Variants in DPH6 observed in about 807,000 individuals in gnomAD.
DPH6 encodes diphthamine biosynthesis 6.
A neutral mutation model predicts 38.2 loss-of-function variants in DPH6; 33 were observed. The ratio of observed to expected loss-of-function variants is 0.86; its 90% CI spans 0.65 to 1.15. DPH6 has a LOEUF of 1.15. Ranked by LOEUF, DPH6 falls within the 50% of genes most tolerant of loss-of-function variation. DPH6 has a pLI of 0.00. For synonymous variants in DPH6, 108 were observed against 103.0 expected (o/e 1.05, Z -0.30); for missense variants, 325 against 320.0 (o/e 1.02, Z -0.12).
intron 3 of DPH6, among the ~76,000 whole-genome samples, chr15:35,351,720 CTTTT>C (rs758678929): frequency 3.7e-5 from 5 of 136,414 alleles, no homozygotes; most frequent in South Asian, 4.7e-4. Flanking sequence ...TGTCAGACTT[CTTTT>C]TTTTTTTTTT....
intron 5 of DPH6, among the ~76,000 whole-genome samples, chr15:35,446,591 A>G (rs1271806359): frequency 6.6e-6 from 1 of 152,162 alleles, no homozygotes. Flanking sequence ...ATAGTATGTA[A>G]TACATACAAC....
chr15:35,411,515 C>G (rs181979588), intron 5 of DPH6, among the ~76,000 whole-genome samples: 45 of 151,542 alleles, frequency 3.0e-4, no homozygotes, highest in African/African-American at 9.4e-4. Context: ...ATAGCGTGTG[C>G]GTAACCTTTA....
intron 3 of DPH6, chr15:35,282,571 C>A: frequency 6.2e-6 from 2 of 320,010 alleles, no homozygotes; most frequent in South Asian, 2.6e-5. Flanking sequence ...CTTCAGATCT[C>A]AATGAGGCTG....
At chr15:35,273,546 C>A (rs1410731211) in intron 3 of DPH6, among the ~76,000 whole-genome samples, 1 of 152,178 alleles carries the variant, frequency 6.6e-6, no homozygotes, top group Non-Finnish European at 1.5e-5. Flanking sequence ...AGCTGATAAG[C>A]AACTTCAGCA....
chr15:35,192,156 G>GTT, the DPH6 span, among the ~76,000 whole-genome samples: 4 of 152,148 alleles, frequency 2.6e-5, no homozygotes, highest in African/African-American at 9.7e-5. Context: ...TTAAGACAGG[G>GTT]TTAAACATGA....
At chr15:35,357,863 G>A (rs1311716576) in intron 3 of DPH6, among the ~76,000 whole-genome samples, 3 of 152,164 alleles carry the variant, frequency 2.0e-5, no homozygotes, top group Admixed American at 1.3e-4. Flanking sequence ...AATGTGCATA[G>A]GTGAAGATCT....
chr15:35,538,178 A>C, intron 3 of DPH6, 96 bp downstream of exon 3: 2 of 1,158,328 alleles, frequency 1.7e-6, no homozygotes, highest in African/African-American at 3.1e-5. Context: ...TTGGGCTACT[A>C]ACAATTGCAA....
At chr15:35,414,194 C>A (rs2053407588) in intron 5 of DPH6, among the ~76,000 whole-genome samples, 1 of 151,574 alleles carries the variant, frequency 6.6e-6, no homozygotes, top group Admixed American at 6.6e-5. Flanking sequence ...GAAATTTGTT[C>A]TTTATTCTTT....
chr15:35,146,018 A>C, the DPH6 span, among the ~76,000 whole-genome samples: 1 of 152,092 alleles, frequency 6.6e-6, no homozygotes, highest in Non-Finnish European at 1.5e-5. Context: ...CCAAAAGGCA[A>C]CCACCAAAAT....
chr15:35,165,246 A>G, the DPH6 span, among the ~76,000 whole-genome samples: 1 of 151,894 alleles, frequency 6.6e-6, no homozygotes, highest in Non-Finnish European at 1.5e-5. Context: ...ATTTTGCCTT[A>G]TTAATCTATG....
At chr15:35,298,129 G>A (rs1045537092) in intron 3 of DPH6, 3 of 342,336 alleles carry the variant, frequency 8.8e-6, no homozygotes, top group African/African-American at 6.5e-5. Context: ...TATCTTACAA[G>A]TCCCTCCAAG....
chr15:35,486,170 A>G (rs1323029422), intron 3 of DPH6, among the ~76,000 whole-genome samples: 1 of 151,892 alleles, frequency 6.6e-6, no homozygotes, highest in East Asian at 1.9e-4. Context: ...GAATGAGTGC[A>G]AGCAGGGGAA....
intron 3 of DPH6, among the ~76,000 whole-genome samples, chr15:35,483,425 T>C (rs749239914): frequency 4.6e-5 from 7 of 151,340 alleles, no homozygotes; most frequent in Non-Finnish European, 7.4e-5. Flanking sequence ...GATCGCACCA[T>C]TGCATTCCAG....
At chr15:35,454,463 TAAG>T (rs2053971861) in intron 4 of DPH6, among the ~76,000 whole-genome samples, 3 of 151,950 alleles carry the variant, frequency 2.0e-5, no homozygotes, top group Admixed American at 1.3e-4. Flanking sequence ...CTAAATCAAA[TAAG>T]AAAAAAGTGA....
intron 3 of DPH6, among the ~76,000 whole-genome samples, chr15:35,250,374 C>A (rs2051665766): frequency 6.6e-6 from 1 of 152,064 alleles, no homozygotes; most frequent in African/African-American, 2.4e-5. Flanking sequence ...GTCCCTGCCA[C>A]AACGTGTGGC....
intron 3 of DPH6, among the ~76,000 whole-genome samples, chr15:35,472,768 A>G (rs1258106307): frequency 6.6e-6 from 1 of 152,196 alleles, no homozygotes; most frequent in Non-Finnish European, 1.5e-5. Context: ...TCAGCAAATT[A>G]TTCAACAAAT....
chr15:35,156,820 G>A, the DPH6 span, among the ~76,000 whole-genome samples: 4 of 152,036 alleles, frequency 2.6e-5, no homozygotes, highest in East Asian at 1.9e-4. Context: ...ACTAGGTGTC[G>A]ACCTACACAT....
intron 3 of DPH6, among the ~76,000 whole-genome samples, chr15:35,508,663 T>C (rs1292182477): frequency 6.6e-6 from 1 of 152,144 alleles, no homozygotes; most frequent in Non-Finnish European, 1.5e-5. Context: ...AGGATACACA[T>C]GACATTCTCC....
chr15:35,264,480 T>A (rs142826456), intron 3 of DPH6, among the ~76,000 whole-genome samples: 3 of 152,318 alleles, frequency 2.0e-5, no homozygotes, highest in African/African-American at 7.2e-5. Context: ...TTTCTCTGAT[T>A]CTTAGACCTC....
Sources: gnomAD v4.1 joint callset for allele counts (sites outside exome capture counted in the v4.1 genomes callset) on GRCh38, gnomAD v4.1.1 for gene constraint, MANE v1.5 for transcripts, NCBI Gene and HGNC (gene_info 2026-07-23, HGNC 2026-07-21) for gene names.